Variants in MYO3A observed in about 807,000 individuals in gnomAD.
The protein encoded by MYO3A is myosin IIIA.
In MYO3A, 180 loss-of-function variants were observed where a neutral mutation model predicts 192.7. That is an observed-to-expected ratio of 0.93 (90% confidence interval 0.83 to 1.06). The LOEUF is 1.06. MYO3A is among the 50% of genes least tolerant of loss of function. MYO3A has a pLI of 0.00. For missense variants in MYO3A, 1,896 were observed against 1,905.0 expected (o/e 1.00, Z 0.09); for synonymous variants, 628 against 645.3 (o/e 0.97, Z 0.41).
chr10:26,152,963 C>T lies in MYO3A; in HGVS notation c.2636-887C>T, dbSNP rs150804682. Among the ~76,000 whole-genome samples the T allele has an allele frequency of 7.4e-3, 1,132 of 152,240 alleles. 8 individuals carry two copies. Among genetic ancestry groups the T allele is most frequent in the Non-Finnish European group, 0.012 (842 of 68,016 alleles). On this transcript the variant is annotated intron_variant, in intron 23 of 34. Transcript: ENST00000642920. ...AACCATAAAGAATGGGAAAGGTTTG[C>T]CAAAAACATTCAGCCTCTACTTATC...
At chr10:26,034,808 G>A (rs1288477395) in intron 10 of MYO3A, among the ~76,000 whole-genome samples, 5 of 151,510 alleles carry the variant, frequency 3.3e-5, no homozygotes, top group African/African-American at 7.3e-5. Context: ...TAGGCAAGAC[G>A]GGCTAGTGTC....
chr10:26,061,990 G>A (rs1834512509), intron 10 of MYO3A, among the ~76,000 whole-genome samples: 1 of 152,152 alleles, frequency 6.6e-6, no homozygotes, highest in Non-Finnish European at 1.5e-5. Context: ...GATGATACTT[G>A]TTCAATTCAG....
At chr10:26,001,221 C>G (rs568541039) in intron 6 of MYO3A, among the ~76,000 whole-genome samples, 20 of 152,278 alleles carry the variant, frequency 1.3e-4, no homozygotes, top group African/African-American at 4.8e-4. Flanking sequence ...TTCCTGTCTG[C>G]GGTGAGCCAC....
chr10:26,153,003 G>A (rs563165503), intron 23 of MYO3A, among the ~76,000 whole-genome samples: 203 of 152,318 alleles, frequency 1.3e-3, no homozygotes, highest in African/African-American at 4.6e-3. Context: ...AGAAGAAGGA[G>A]AGAGACAAGA....
chr10:26,021,612 AC>A lies in MYO3A; in HGVS notation c.697del (p.Leu233PhefsTer4). The stretch of plus-strand genomic sequence containing the variant: ...GGTGATGGAGATCCTCCACTAGCTG[AC>A]CTTCATCCCATGAGAGCACTCTTCA... ...ELGDGDPPLA[D>X]LHPMRALFKI... is the part of the protein sequence containing the mutation. On this transcript the variant is annotated frameshift_variant, in exon 8 of 35. Coordinates refer to ENST00000642920, the MANE Select transcript of MYO3A (RefSeq NM_017433.5). LOFTEE classifies it high-confidence loss of function. The A allele has an allele frequency of 6.2e-7, 1 of 1,614,116 alleles. No homozygotes were observed. The highest frequency in any genetic ancestry group is 8.5e-7 in the Non-Finnish European group (1 of 1,179,994).
At chr10:25,995,506 A>T (rs930843027) in intron 4 of MYO3A, among the ~76,000 whole-genome samples, 1 of 152,050 alleles carries the variant, frequency 6.6e-6, no homozygotes, top group Non-Finnish European at 1.5e-5. Context: ...CTCTCAAATC[A>T]TCAGTCATTC....
chr10:26,078,130 C>CTTTTTTTTTTTTTTTTTTT (rs57336459), intron 14 of MYO3A, among the ~76,000 whole-genome samples: 5 of 122,288 alleles, frequency 4.1e-5, no homozygotes, highest in South Asian at 2.4e-4. Context: ...TGGTCCTGGA[C>CTTTTTTTTTTTTTTTTTTT]TTTTTTTTTT....
intron 15 of MYO3A, among the ~76,000 whole-genome samples, chr10:26,092,965 C>G (rs1836788015): frequency 6.6e-6 from 1 of 152,042 alleles, no homozygotes; most frequent in South Asian, 2.1e-4. Context: ...CAGTATATTC[C>G]CAATAGTATC....
Position 26,168,898 on chromosome 10 carries a change from T to G in MYO3A, c.3274+24T>G, listed in dbSNP as rs537551042. 29 of 1,593,646 alleles carry G rather than the reference T, an allele frequency of 1.8e-5. 1 individual carries two copies. The South Asian group carries it at 3.1e-4, about 17-fold the overall frequency. On this transcript the variant is annotated intron_variant, in intron 28 of 34. Transcript: ENST00000642920. ...AGGTAATCTCTTTGACATATTTAGA[T>G]ATGGTCATAAAATCAAATCTTATAA...
At position 26,007,080 on chromosome 10, in the gene MYO3A, C is replaced by T. The variant is rs567705821; in HGVS notation, c.509-9740C>T. 7.8e-3 allele frequency among the ~76,000 whole-genome samples: 1,055 copies of T among 135,876 alleles called. 22 individuals carry two copies. Among genetic ancestry groups the T allele is most frequent in the African/African-American group, 0.017 (535 of 31,416 alleles). The allele number at this position is 135,876 out of a possible 152,430, so 89.1% of individuals were successfully genotyped here. A position where few individuals can be genotyped will look rare whatever the true frequency, so the allele number is the denominator to read the frequency against. ...TGGGATGCAAGGCTGGTTCAATATA[C>T]GCAAATCAATAAACGTAATCCAGCA... On this transcript the variant is annotated intron_variant, in intron 6 of 34. Coordinates refer to ENST00000642920, the MANE Select transcript of MYO3A (RefSeq NM_017433.5).
intron 17 of MYO3A, among the ~76,000 whole-genome samples, chr10:26,097,782 A>G (rs1365820237): frequency 1.3e-5 from 2 of 152,146 alleles, no homozygotes; most frequent in African/African-American, 4.8e-5. Context: ...AATCCAGTCT[A>G]TCATTGGTGG....
At chr10:26,064,217 T>C (rs1834675003) in intron 10 of MYO3A, among the ~76,000 whole-genome samples, 1 of 152,136 alleles carries the variant, frequency 6.6e-6, no homozygotes, top group African/African-American at 2.4e-5. Flanking sequence ...CTCTGATTAA[T>C]ATAATATTGA....
chr10:26,133,286 G>C (rs1839644086), intron 20 of MYO3A, among the ~76,000 whole-genome samples: 1 of 152,218 alleles, frequency 6.6e-6, no homozygotes, highest in South Asian at 2.1e-4. Flanking sequence ...GCTTGACCAA[G>C]TGTTAGGTTA....
intron 17 of MYO3A, among the ~76,000 whole-genome samples, chr10:26,117,916 G>T (rs767962754): frequency 6.6e-6 from 1 of 152,112 alleles, no homozygotes; most frequent in African/African-American, 2.4e-5. Flanking sequence ...AGGAATTGCC[G>T]CACTGTCTTC....
At chr10:26,139,517 T>C (rs1840035213) in intron 20 of MYO3A, among the ~76,000 whole-genome samples, 1 of 152,214 alleles carries the variant, frequency 6.6e-6, no homozygotes, top group Non-Finnish European at 1.5e-5. Context: ...AAAAATATTT[T>C]AATGAAAATA....
At chr10:26,211,724 C>A in intron 34 of MYO3A, 119 bp from the exon 35 acceptor site, 732 of 1,446,088 alleles carry the variant, frequency 5.1e-4, no homozygotes, top group Middle Eastern at 1.3e-3. Flanking sequence ...TTGTGCCTTT[C>A]CTAAATGTCC....
intron 31 of MYO3A, among the ~76,000 whole-genome samples, chr10:26,188,241 A>G (rs943444590): frequency 1.3e-5 from 2 of 152,202 alleles, no homozygotes; most frequent in African/African-American, 2.4e-5. Flanking sequence ...TCTGATGGCC[A>G]GTGATGATGA....
intron 6 of MYO3A, among the ~76,000 whole-genome samples, chr10:26,016,037 G>A (rs902603203): frequency 6.6e-6 from 1 of 152,112 alleles, no homozygotes; most frequent in South Asian, 2.1e-4. Context: ...CAAGGTGAAG[G>A]GTAGGAGCTC....
intron 4 of MYO3A, among the ~76,000 whole-genome samples, chr10:25,969,116 G>T (rs1838455452): frequency 6.6e-6 from 1 of 152,090 alleles, no homozygotes; most frequent in South Asian, 2.1e-4. Context: ...GCGTGCACCT[G>T]TAGTCCCAGC....
Sources: gnomAD v4.1 joint callset for allele counts (sites outside exome capture counted in the v4.1 genomes callset) on GRCh38, gnomAD v4.1.1 for gene constraint, MANE v1.5 for transcripts, NCBI Gene and HGNC (gene_info 2026-07-23, HGNC 2026-07-21) for gene names.